Variants in CASP6 observed in about 807,000 individuals in gnomAD.
CASP6 encodes the protein caspase-6.
Under a neutral mutation model 31.8 loss-of-function variants are expected in CASP6, and 20 were observed. The ratio of observed to expected loss-of-function variants is 0.63; its 90% CI spans 0.44 to 0.91. The LOEUF (loss-of-function observed/expected upper bound fraction) is 0.91. CASP6 is among the 40% of genes least tolerant of loss of function. The pLI, the probability that CASP6 is intolerant of heterozygous loss-of-function variation, is 0.00. For synonymous variants in CASP6, 130 were observed against 127.8 expected (o/e 1.02, Z -0.12); for missense variants, 328 against 361.1 (o/e 0.91, Z 0.74).
the CASP6 span, chr4:109,682,535 C>T: frequency 2.4e-5 from 36 of 1,504,586 alleles, no homozygotes; most frequent in South Asian, 1.7e-4. Flanking sequence ...ACACACCCTG[C>T]GGGAACAATG....
At chr4:109,681,339 C>T in the CASP6 span, 1 of 334,832 alleles carries the variant, frequency 3.0e-6, no homozygotes, top group East Asian at 9.5e-5. Flanking sequence ...TAGTCAAAAG[C>T]TACTAAAGTT....
chr4:109,671,067 C>T, the CASP6 span, among the ~76,000 whole-genome samples: 2 of 152,180 alleles, frequency 1.3e-5, no homozygotes, highest in African/African-American at 4.8e-5. Context: ...ATTTTGGCGA[C>T]AGCAATTTTC....
intron 3 of CASP6, 65 bp downstream of exon 3, chr4:109,697,552 CCACCA>C (rs1408670712): frequency 6.6e-7 from 1 of 1,514,394 alleles, no homozygotes; most frequent in Non-Finnish European, 8.9e-7. Flanking sequence ...CCAGCATGAA[CCACCA>C]CACCTGGCCA....
chr4:109,679,765 CTCT>C, the CASP6 span, among the ~76,000 whole-genome samples: 1 of 152,062 alleles, frequency 6.6e-6, no homozygotes, highest in African/African-American at 2.4e-5. Flanking sequence ...TATGAACTTT[CTCT>C]CCCGCTTTGA....
intron 1 of CASP6, 135 bp from the exon 2 acceptor site, chr4:109,698,477 T>C: frequency 1.6e-6 from 1 of 632,108 alleles, no homozygotes; most frequent in East Asian, 3.1e-5. Flanking sequence ...CCAAAGTATG[T>C]GAAGAAAAGG....
At chr4:109,684,155 TG>T (rs1391922387), downstream of CASP6, among the ~76,000 whole-genome samples, 2 of 151,306 alleles carry the variant, frequency 1.3e-5, no homozygotes, top group African/African-American at 4.9e-5. Flanking sequence ...CTCCACCTCC[TG>T]GGTTCACGCC....
upstream of CASP6, among the ~76,000 whole-genome samples, chr4:109,705,276 G>A (rs1405529343): frequency 2.0e-5 from 3 of 152,174 alleles, no homozygotes; most frequent in Admixed American, 6.5e-5. Context: ...TTTACAGCAT[G>A]GCTTAGAGAA....
At chr4:109,693,921 T>C (rs1233292176) in intron 5 of CASP6, among the ~76,000 whole-genome samples, 1 of 151,846 alleles carries the variant, frequency 6.6e-6, no homozygotes, top group East Asian at 2.0e-4. Context: ...GTATTTTTAG[T>C]AGAGACAGGG....
intron 1 of CASP6, among the ~76,000 whole-genome samples, chr4:109,702,471 G>A (rs1330522127): frequency 6.6e-6 from 1 of 151,908 alleles, no homozygotes. Context: ...CTTGCGCCCA[G>A]GCCTGGCTAA....
intron 4 of CASP6, among the ~76,000 whole-genome samples, chr4:109,695,535 T>C (rs1185036840): frequency 6.6e-6 from 1 of 151,988 alleles, no homozygotes; most frequent in Non-Finnish European, 1.5e-5. Context: ...GGCAGGTGGA[T>C]CACTTGAGGC....
chr4:109,687,623 C>T, downstream of CASP6: 1 of 1,442,974 alleles, frequency 6.9e-7, no homozygotes, highest in South Asian at 1.2e-5. Flanking sequence ...TCAGATTTTC[C>T]ATTATGTATT....
intron 5 of CASP6, among the ~76,000 whole-genome samples, chr4:109,691,817 G>A (rs1416947801): frequency 6.6e-6 from 1 of 152,150 alleles, no homozygotes; most frequent in Non-Finnish European, 1.5e-5. Flanking sequence ...AAGAAATTGG[G>A]ACACAGACAT....
chr4:109,672,143 T>A, the CASP6 span, among the ~76,000 whole-genome samples: 2 of 152,166 alleles, frequency 1.3e-5, no homozygotes, highest in Non-Finnish European at 1.5e-5. Context: ...TTTCTTAGCC[T>A]CTTTTATTCT....
rs758314371 is a variant in CASP6 at position 109,690,886 on chromosome 4, C to T, written c.607G>A (p.Gly203Arg). ...GAGTAACACATGAGGAAGTCAGCTC[C>T]AGCAGGCAGCGTGTAAACGGAGGCT... ...DAASVYTLPA[G>R]ADFLMCYSVA... is the part of the protein sequence containing the mutation. The change falls in exon 6 of 7, where the codon GGA (glycine) becomes AGA (arginine). Residue 203 changes from glycine (G) to arginine (R), a missense_variant. Gly to Arg is a moderately radical substitution (Grantham distance 125). Transcript: ENST00000265164. The T allele has an allele frequency of 9.3e-6, 15 of 1,612,772 alleles. No individual in the cohort carries two copies. The highest frequency in any genetic ancestry group is 1.7e-5 in the Admixed American group (1 of 59,834).
At chr4:109,685,833 G>A (rs1480628664), downstream of CASP6, among the ~76,000 whole-genome samples, 1 of 152,164 alleles carries the variant, frequency 6.6e-6, no homozygotes, top group Non-Finnish European at 1.5e-5. Context: ...ACGAACACAA[G>A]TTTGATTTCG....
At chr4:109,690,699 GC>G (rs1471284592) in intron 6 of CASP6, 150 bp downstream of exon 6, 4 of 695,294 alleles carry the variant, frequency 5.8e-6, no homozygotes, top group Non-Finnish European at 9.3e-6. Context: ...ATCACTCTGT[GC>G]CATGTGGTCA....
chr4:109,688,257 G>A (rs1012433599), downstream of CASP6: 3 of 152,178 alleles, frequency 2.0e-5, no homozygotes, highest in African/African-American at 7.2e-5. Flanking sequence ...GTATTATTCA[G>A]ATTCTATATC....
chr4:109,699,993 C>G (rs1344330106), intron 1 of CASP6, among the ~76,000 whole-genome samples: 4 of 152,232 alleles, frequency 2.6e-5, no homozygotes, highest in African/African-American at 4.8e-5. Flanking sequence ...TTGGAAAGCA[C>G]TCATGTCTCA....
Position 109,689,496 on chromosome 4 carries a change from T to C in CASP6, c.716A>G (p.Tyr239Cys), listed in dbSNP as rs1729964230. The change falls in exon 7 of 7, where the codon TAT (tyrosine) becomes TGT (cysteine). Residue 239 changes from tyrosine to cysteine, a missense_variant. By Grantham distance (194) the Tyr-to-Cys change is radical. Coordinates refer to ENST00000265164, the MANE Select transcript of CASP6 (RefSeq NM_001226.4). ...TTCTGTGAACTCTAAGGAGGAGCCA[T>C]ATTTTCCCAACATCTCACACAAATC... ...IQDLCEMLGK[Y>C]GSSLEFTELL... 6.2e-7 allele frequency: 1 copy of C among 1,614,088 alleles called. No individual in the cohort carries two copies. Among genetic ancestry groups the C allele is most frequent in the Non-Finnish European group, 8.5e-7 (1 of 1,180,048 alleles).
Sources: gnomAD v4.1 joint callset for allele counts (sites outside exome capture counted in the v4.1 genomes callset) on GRCh38, gnomAD v4.1.1 for gene constraint, MANE v1.5 for transcripts, NCBI Gene and HGNC (gene_info 2026-07-23, HGNC 2026-07-21) for gene names.